Variants in SPTBN1 observed in about 807,000 individuals in gnomAD.
The protein encoded by SPTBN1 is spectrin beta, non-erythrocytic 1.
Under a neutral mutation model 266.4 loss-of-function variants are expected in SPTBN1, and 32 were observed. The ratio of observed to expected loss-of-function variants is 0.12; its 90% confidence interval spans 0.09 to 0.16. The LOEUF (loss-of-function observed/expected upper bound fraction) is 0.16, where lower values mean the gene tolerates loss of function less well. SPTBN1 is among the 10% of genes least tolerant of loss of function. The probability of loss-of-function intolerance (pLI) is 1.00; values close to 1 mark genes in which losing one functional copy is unlikely to be tolerated. For missense variants in SPTBN1, 2,296 were observed against 3,067.1 expected (o/e 0.75, Z 5.94); for synonymous variants, 1,336 against 1,162.2 (o/e 1.15, Z -3.04).
chr2:54,643,682 C>A (rs552642832), intron 19 of SPTBN1, among the ~76,000 whole-genome samples: 1 of 151,904 alleles, frequency 6.6e-6, no homozygotes, highest in East Asian at 1.9e-4. Context: ...TCAGATTCTT[C>A]ACGGTTAAAA....
intron 3 of SPTBN1, among the ~76,000 whole-genome samples, chr2:54,608,472 A>G (rs1676998655): frequency 1.3e-5 from 2 of 152,148 alleles, no homozygotes; most frequent in Admixed American, 6.5e-5. Context: ...TGGGAAGTCA[A>G]GATGATGGGT....
At position 54,645,133 on chromosome 2, in the gene SPTBN1, G is replaced by A. The variant is rs1222703381; in HGVS notation, c.4270-96G>A. On this transcript the variant is annotated intron_variant, in intron 20 of 35. Transcript: ENST00000356805. The surrounding 1 kb of genome is among the most constrained non-coding windows in gnomAD (Gnocchi z 4.3). ...GAGTGGCTCCCATGGCTGGCTTTGC[G>A]GTGTGGCCAAGTCCCAGGCCCAGCA... 1.4e-5 allele frequency: 18 copies of A among 1,308,272 alleles called. No individual in the cohort carries two copies. Among genetic ancestry groups the A allele is most frequent in the Middle Eastern group, 2.3e-4 (1 of 4,352 alleles). The allele number at this position is 1,308,272 out of a possible 1,614,324, so 81.0% of individuals were successfully genotyped here.
intron 1 of SPTBN1, among the ~76,000 whole-genome samples, chr2:54,480,781 T>G (rs1024396739): frequency 5.9e-5 from 9 of 152,196 alleles, no homozygotes; most frequent in African/African-American, 2.2e-4. Flanking sequence ...GGATTTACAT[T>G]TGCTCTTTGA....
chr2:54,662,397 T>A (rs776463353), intron 32 of SPTBN1: 10 of 933,676 alleles, frequency 1.1e-5, no homozygotes, highest in African/African-American at 3.6e-5. Flanking sequence ...TCCTTCTAAC[T>A]CTAAAGAAAA....
chr2:54,499,487 GT>G, intron 1 of SPTBN1, among the ~76,000 whole-genome samples: 1 of 152,330 alleles, frequency 6.6e-6, no homozygotes, highest in East Asian at 1.9e-4. Context: ...GGTTGTTTGC[GT>G]GTTGATTTGC....
At chr2:54,551,437 T>C (rs73934448) in intron 2 of SPTBN1, among the ~76,000 whole-genome samples, 1,569 of 152,358 alleles carry the variant, frequency 0.01, 34 homozygotes, top group African/African-American at 0.036. Flanking sequence ...CATTCTTTTG[T>C]CTGTGCAGGG....
At chr2:54,523,586 A>G (rs553099319) in intron 1 of SPTBN1, among the ~76,000 whole-genome samples, 18 of 152,372 alleles carry the variant, frequency 1.2e-4, no homozygotes, top group African/African-American at 4.3e-4. Context: ...CTTATTTACT[A>G]TGGAAACTTG....
At chr2:54,603,328 G>GT (rs1481531932) in intron 3 of SPTBN1, among the ~76,000 whole-genome samples, 5 of 152,012 alleles carry the variant, frequency 3.3e-5, no homozygotes, top group East Asian at 3.9e-4. Context: ...AACTGGAGGG[G>GT]TTTTTTTTGA....
chr2:54,513,309 T>C (rs4671221), intron 1 of SPTBN1, among the ~76,000 whole-genome samples: 120,851 of 152,184 alleles, frequency 0.79, 48,460 homozygotes, highest in African/African-American at 0.91. Context: ...GTTTTCAGTG[T>C]AGTTTTACAT....
intron 4 of SPTBN1, among the ~76,000 whole-genome samples, chr2:54,615,323 A>G (rs537114126): frequency 2.0e-5 from 3 of 152,308 alleles, no homozygotes; most frequent in East Asian, 3.9e-4. Context: ...GAAGCTTAAA[A>G]TGGCTACAGC....
At chr2:54,667,019 C>G (rs945086463) in intron 34 of SPTBN1, among the ~76,000 whole-genome samples, 1 of 152,200 alleles carries the variant, frequency 6.6e-6, no homozygotes, top group African/African-American at 2.4e-5. Flanking sequence ...GCGAACGGCC[C>G]CTACCCTGTG....
At position 54,632,679 on chromosome 2, in the gene SPTBN1, T is replaced by A. The variant is rs1393196439; in HGVS notation, c.3678T>A (p.Asn1226Lys). 6.2e-7 allele frequency: 1 copy of A among 1,614,172 alleles called. No individual in the cohort carries two copies. Among genetic ancestry groups the A allele is most frequent in the South Asian group, 1.1e-5 (1 of 91,082 alleles). The change falls in exon 17 of 36, where the codon AAT becomes AAA. Residue 1226 changes from asparagine to lysine, a missense_variant. Transcript: ENST00000356805. ...TTMDANEEKI[N>K]AVVETGRRLV... The stretch of plus-strand genomic sequence containing the variant: ...TGGACGCCAATGAGGAGAAGATCAA[T>A]GCTGTGGTGGAGACTGGCCGGAGGC...
chr2:54,464,983 T>G (rs1370331138), intron 1 of SPTBN1, among the ~76,000 whole-genome samples: 2 of 152,216 alleles, frequency 1.3e-5, no homozygotes, highest in Non-Finnish European at 2.9e-5. Flanking sequence ...TGAGCCACCG[T>G]GCCCAGCCTT....
intron 5 of SPTBN1, among the ~76,000 whole-genome samples, chr2:54,617,335 G>C (rs1677673928): frequency 6.6e-6 from 1 of 152,192 alleles, no homozygotes; most frequent in Non-Finnish European, 1.5e-5. Context: ...TTTTTCCTAA[G>C]TAAGAGTAGT....
In SPTBN1 at chr2:54,618,847, A is replaced by C. The variant is rs117172645; in HGVS notation, c.763+654A>C. ...TAGTCCTTTCTTACAGCTGCATCCC[A>C]TTATCTGCACGGAACTAATCCCTCT... is the stretch of plus-strand genomic sequence containing the variant. On this transcript the variant is annotated intron_variant, in intron 7 of 35. Coordinates refer to ENST00000356805, the MANE Select transcript of SPTBN1 (RefSeq NM_003128.3). Among the ~76,000 whole-genome samples the C allele has an allele frequency of 1.0e-3, 153 of 152,258 alleles. 2 individuals carry two copies. In the East Asian group the frequency reaches 0.028, roughly 28 times the overall value.
chr2:54,667,534 A>G (rs1161643051), intron 34 of SPTBN1, 70 bp from the exon 35 acceptor site: 1 of 1,433,448 alleles, frequency 7.0e-7, no homozygotes, highest in South Asian at 1.2e-5. Context: ...CCTGCATGGG[A>G]TATGGGAGTT....
intron 17 of SPTBN1, among the ~76,000 whole-genome samples, chr2:54,637,101 C>T (rs984087292): frequency 6.6e-6 from 1 of 152,154 alleles, no homozygotes; most frequent in African/African-American, 2.4e-5. Context: ...CAGCTCTTTC[C>T]AGTTCTTACA....
chr2:54,588,034 G>A (rs1675403265), intron 2 of SPTBN1, among the ~76,000 whole-genome samples: 1 of 152,212 alleles, frequency 6.6e-6, no homozygotes, highest in Non-Finnish European at 1.5e-5. Flanking sequence ...TTAATTTGAA[G>A]TGGAGTCTAA....
Position 54,653,932 on chromosome 2 carries a change from G to A in SPTBN1, c.5822+79G>A, listed in dbSNP as rs938402828. ...AGGAGTCTTCCAGAGAGAAGCAGGA[G>A]CCTTGAAAGCGTTCCTGCCTGAGCG... On this transcript the variant is annotated intron_variant, in intron 27 of 35. Transcript: ENST00000356805. The surrounding 1 kb of genome is among the most constrained non-coding windows in gnomAD (Gnocchi z 5.1). 2.3e-5 allele frequency: 36 copies of A among 1,559,984 alleles called. No homozygotes were observed. The highest frequency in any genetic ancestry group is 2.8e-5 in the African/African-American group (2 of 71,992).
Sources: allele counts gnomAD v4.1 joint callset (sites outside exome capture counted in the v4.1 genomes callset), GRCh38; gene constraint gnomAD v4.1.1; non-coding constraint Gnocchi (gnomAD v3.1); transcripts MANE v1.5; gene names NCBI Gene and HGNC (gene_info 2026-07-23, HGNC 2026-07-21).